Variants in VAV3 observed in about 807,000 individuals in gnomAD.
VAV3 encodes guanine nucleotide exchange factor VAV3.
In VAV3, 94 loss-of-function variants were observed where a neutral mutation model predicts 131.2. That is an observed-to-expected ratio of 0.72 (90% CI 0.61 to 0.85). VAV3 has a LOEUF of 0.85. Ranked by LOEUF, VAV3 falls within the 40% of genes least tolerant of loss-of-function variation. The probability of loss-of-function intolerance (pLI) is 0.00; values close to 1 mark genes in which losing one functional copy is unlikely to be tolerated. For missense variants in VAV3, 939 were observed against 1,002.7 expected, an observed-to-expected ratio of 0.94 and a Z score of 0.86; for synonymous variants, 349 against 342.0, an observed-to-expected ratio of 1.02 and a Z score of -0.22.
At chr1:107,962,009 C>T (rs1675111739) in intron 1 of VAV3, among the ~76,000 whole-genome samples, 1 of 152,206 alleles carries the variant, frequency 6.6e-6, no homozygotes, top group African/African-American at 2.4e-5. Flanking sequence ...ACAAACAAAA[C>T]ATCAATAAAT....
At chr1:107,731,342 A>G (rs1434904428) in intron 15 of VAV3, among the ~76,000 whole-genome samples, 1 of 152,208 alleles carries the variant, frequency 6.6e-6, no homozygotes, top group Non-Finnish European at 1.5e-5. Context: ...ATGTATCCAC[A>G]CTTTTACCTG....
At chr1:107,658,664 T>C (rs534741989) in intron 19 of VAV3, among the ~76,000 whole-genome samples, 39 of 152,148 alleles carry the variant, frequency 2.6e-4, no homozygotes, top group African/African-American at 7.0e-4. Flanking sequence ...GATGGTATCT[T>C]ATTGTGGTTT....
chr1:107,575,000 T>C (rs865865997), intron 25 of VAV3, among the ~76,000 whole-genome samples: 1 of 103,858 alleles, frequency 9.6e-6, no homozygotes, highest in African/African-American at 3.7e-5. Flanking sequence ...TGTGCGTGCG[T>C]GCGCGCGCGC....
intron 15 of VAV3, among the ~76,000 whole-genome samples, chr1:107,747,150 G>C (rs780855301): frequency 9.2e-5 from 14 of 152,180 alleles, no homozygotes; most frequent in Middle Eastern, 3.4e-3. Flanking sequence ...AAAGTGCTGG[G>C]ATTACAGGCA....
At chr1:107,744,234 C>A (rs1663192486) in intron 15 of VAV3, among the ~76,000 whole-genome samples, 1 of 152,198 alleles carries the variant, frequency 6.6e-6, no homozygotes, top group Non-Finnish European at 1.5e-5. Flanking sequence ...AAAAGATAAA[C>A]ATCCTGGGCT....
At position 107,884,034 on chromosome 1, in the gene VAV3, T is replaced by C. The variant is rs11185192; in HGVS notation, c.205-9017A>G. ...TTTCCTAAGTTAATTAACCTGCTAATGAAAGTGGTGCATGTCGCTGCCTTT... is the reference window on the plus strand; with the variant it reads ...TTTCCTAAGTTAATTAACCTGCTAACGAAAGTGGTGCATGTCGCTGCCTTT... On this transcript the variant is annotated intron_variant, in intron 1 of 26. Coordinates refer to ENST00000370056, the MANE Select transcript of VAV3 (RefSeq NM_006113.5). 3.6e-3 allele frequency among the ~76,000 whole-genome samples: 550 copies of C among 151,934 alleles called. 4 individuals are homozygous for C. Among genetic ancestry groups the C allele is most frequent in the African/African-American group, 0.012 (512 of 41,404 alleles).
intron 19 of VAV3, among the ~76,000 whole-genome samples, chr1:107,659,505 A>G (rs1040562078): frequency 1.3e-5 from 2 of 152,202 alleles, no homozygotes; most frequent in African/African-American, 4.8e-5. Context: ...TTTCTTCTTT[A>G]AAGTATGCAG....
chr1:107,813,967 A>T (rs556016956), intron 2 of VAV3, among the ~76,000 whole-genome samples: 47 of 135,858 alleles, frequency 3.5e-4, no homozygotes, highest in African/African-American at 1.2e-3. Flanking sequence ...ATAGTACTCC[A>T]GTGTGTGTGT....
At chr1:107,853,631 A>T (rs1669332399) in intron 2 of VAV3, among the ~76,000 whole-genome samples, 1 of 152,156 alleles carries the variant, frequency 6.6e-6, no homozygotes, top group South Asian at 2.1e-4. Context: ...GTCTTTAAAA[A>T]AAAAAGTTAT....
At chr1:107,883,675 T>C (rs1273025168) in intron 1 of VAV3, among the ~76,000 whole-genome samples, 3 of 152,198 alleles carry the variant, frequency 2.0e-5, no homozygotes, top group African/African-American at 4.8e-5. Flanking sequence ...TTAGTCTGTG[T>C]TTCCTGCCTC....
chr1:107,852,663 T>C (rs1025304131), intron 2 of VAV3, among the ~76,000 whole-genome samples: 2 of 152,194 alleles, frequency 1.3e-5, no homozygotes, highest in African/African-American at 4.8e-5. Flanking sequence ...TGGTTGTTAG[T>C]TTTTATTCCA....
chr1:107,823,048 G>A (rs923620465), intron 2 of VAV3, among the ~76,000 whole-genome samples: 8 of 152,156 alleles, frequency 5.3e-5, no homozygotes, highest in Admixed American at 5.2e-4. Flanking sequence ...GATATTCAGA[G>A]TTGCTACTTA....
At chr1:107,952,468 T>TTTATATATATATATATA (rs1553235441) in intron 1 of VAV3, among the ~76,000 whole-genome samples, 13 of 118,976 alleles carry the variant, frequency 1.1e-4, no homozygotes, top group African/African-American at 3.9e-4. Flanking sequence ...TAACAAAACT[T>TTTATATATATATATATA]TATATATATA....
chr1:107,746,252 T>C (rs1268563853), intron 15 of VAV3, among the ~76,000 whole-genome samples: 1 of 152,220 alleles, frequency 6.6e-6, no homozygotes, highest in African/African-American at 2.4e-5. Context: ...AATATTCTGA[T>C]GCCTGCTCAG....
rs972772858 is a variant in VAV3 at position 107,731,294 on chromosome 1, T to C, written c.1502+17674A>G. Among the ~76,000 whole-genome samples, 7 of 152,242 alleles carry C rather than the reference T, an allele frequency of 4.6e-5. No homozygotes were observed. The East Asian group carries it at 1.3e-3, about 29-fold the overall frequency. On this transcript the variant is annotated intron_variant, in intron 15 of 26. Transcript: ENST00000370056. Reference sequence around the variant, plus strand: ...GGACAACAGCATCTAGCATTCATTGTACCCTGCCTATAATTCTGAGGTGAA... The same window carrying C: ...GGACAACAGCATCTAGCATTCATTGCACCCTGCCTATAATTCTGAGGTGAA...
At chr1:107,590,277 A>T (rs1650845214) in intron 25 of VAV3, among the ~76,000 whole-genome samples, 1 of 152,238 alleles carries the variant, frequency 6.6e-6, no homozygotes, top group South Asian at 2.1e-4. Flanking sequence ...GTTTCAACTT[A>T]GCACTCTAAT....
intron 2 of VAV3, among the ~76,000 whole-genome samples, chr1:107,861,498 C>T (rs560249328): frequency 4.2e-4 from 64 of 151,626 alleles, no homozygotes; most frequent in African/African-American, 1.5e-3. Context: ...CCTTGTTAAA[C>T]TTTATAGATA....
At chr1:107,772,876 C>A (rs753299815) in intron 4 of VAV3, 33 bp from the exon 5 acceptor site, 1 of 1,574,618 alleles carries the variant, frequency 6.4e-7, no homozygotes, top group Non-Finnish European at 8.7e-7. Context: ...AGGTCATTTT[C>A]TATTATGCAG....
At chr1:107,787,956 A>G (rs1279059266) in intron 2 of VAV3, among the ~76,000 whole-genome samples, 1 of 151,720 alleles carries the variant, frequency 6.6e-6, no homozygotes, top group East Asian at 1.9e-4. Context: ...TGACCCCACA[A>G]TCCCACTCCT....
Sources: allele counts gnomAD v4.1 joint callset (sites outside exome capture counted in the v4.1 genomes callset), GRCh38; gene constraint gnomAD v4.1.1; transcripts MANE v1.5; gene names NCBI Gene and HGNC (gene_info 2026-07-23, HGNC 2026-07-21).